The following CACNA1C variants were observed in gnomAD, a reference collection of about 807,000 sequenced individuals.
CACNA1C encodes the protein calcium voltage-gated channel subunit alpha1 C.
A neutral mutation model predicts 229.0 loss-of-function variants in CACNA1C; 30 were observed. That is an observed-to-expected ratio of 0.13 (90% CI 0.10 to 0.18). CACNA1C has a LOEUF of 0.18. Ranked by LOEUF, CACNA1C falls within the 10% of genes least tolerant of loss-of-function variation. The pLI is 1.00. For synonymous variants in CACNA1C, 1,114 were observed against 1,132.5 expected (o/e 0.98, Z 0.33); for missense variants, 1,658 against 2,845.0 (o/e 0.58, Z 9.49).
intron 11 of CACNA1C, among the ~76,000 whole-genome samples, chr12:2,559,018 G>A (rs905288323): frequency 2.0e-5 from 3 of 152,220 alleles, no homozygotes; most frequent in Admixed American, 6.5e-5. Flanking sequence ...GAAGTGGCTG[G>A]TACATAACAA....
chr12:2,600,184 G>C (rs997567600), intron 21 of CACNA1C, among the ~76,000 whole-genome samples: 1 of 152,162 alleles, frequency 6.6e-6, no homozygotes, highest in African/African-American at 2.4e-5. Context: ...AGCCTCCTGA[G>C]TCCAGTCTGT....
intron 1 of CACNA1C, among the ~76,000 whole-genome samples, chr12:2,095,451 C>T (rs1343123862): frequency 1.3e-5 from 2 of 152,250 alleles, no homozygotes; most frequent in African/African-American, 4.8e-5. Context: ...GTGCCATTGA[C>T]TTCTGCCTTC....
intron 1 of CACNA1C, among the ~76,000 whole-genome samples, chr12:2,047,548 C>A (rs2051293661): frequency 6.6e-6 from 1 of 152,202 alleles, no homozygotes; most frequent in Non-Finnish European, 1.5e-5. Flanking sequence ...ATCATAGCAC[C>A]TGATACTCAC....
chr12:2,142,356 G>A (rs2094318027), intron 3 of CACNA1C, among the ~76,000 whole-genome samples: 1 of 151,092 alleles, frequency 6.6e-6, no homozygotes, highest in African/African-American at 2.4e-5. Context: ...GTGGTGGTGT[G>A]GTGCTGTTGT....
In CACNA1C at chr12:2,666,856, T is replaced by A; in HGVS notation, c.4623+74T>A. The A allele has an allele frequency of 2.3e-6, 2 of 885,242 alleles. No homozygotes were observed. The highest frequency in any genetic ancestry group is 3.7e-6 in the Non-Finnish European group (2 of 545,714). The allele number at this position is 885,242 out of a possible 1,614,324, so 54.8% of individuals were successfully genotyped here. ...GAAGTGCCCATTTCTTGTGATCCTT[T>A]AAGGGAATGAACATACTAGTTTATG... On this transcript the variant is annotated intron_variant, in intron 37 of 46. Coordinates refer to ENST00000399655, the MANE Select transcript of CACNA1C (RefSeq NM_000719.7). The surrounding 1 kb of genome is among the most constrained non-coding windows in gnomAD (Gnocchi z 5.3).
At position 1,971,219 on chromosome 12, in the gene CACNA1C, G is replaced by A; in HGVS notation, c.139+18G>A. On this transcript the variant is annotated intron_variant, in intron 1 of 46. Transcript: ENST00000682462. The surrounding 1 kb of genome is among the most constrained non-coding windows in gnomAD (Gnocchi z 4.2). ...TCCTGGAGGTAAGAAACCCTAAAGT[G>A]AAATAAAGAGTAGGAAGAACATGTT... 1 of 1,262,968 alleles carries A rather than the reference G, an allele frequency of 7.9e-7. No homozygotes were observed. The highest frequency in any genetic ancestry group is 1.0e-6 in the Non-Finnish European group (1 of 965,640). 78.2% of individuals were successfully genotyped at this position (1,262,968 alleles called of 1,614,324 possible).
Position 2,693,849 on chromosome 12 carries a change from G to A in CACNA1C, c.*2650G>A, listed in dbSNP as rs985078519. 2 of 152,174 alleles carry A rather than the reference G, an allele frequency of 1.3e-5. No individual in the cohort carries two copies. Among genetic ancestry groups the A allele is most frequent in the African/African-American group, 4.8e-5 (2 of 41,422 alleles). The allele number at this position is 152,174 out of a possible 1,614,324, so 9.4% of individuals were successfully genotyped here. ...CTCTTCCAGTCCTAGTGTTCCCTGA[G>A]CCCCTCTTGGCACATATATAAGTAA... On this transcript the variant is annotated 3_prime_UTR_variant, in exon 47 of 47. Coordinates refer to ENST00000399655, the MANE Select transcript of CACNA1C (RefSeq NM_000719.7).
intron 3 of CACNA1C, among the ~76,000 whole-genome samples, chr12:2,318,712 G>A (rs1285852943): frequency 2.0e-5 from 3 of 152,152 alleles, no homozygotes; most frequent in Non-Finnish European, 2.9e-5. Context: ...TGTTGGGCAC[G>A]GACTAGGTAC....
chr12:2,418,740 G>A (rs2098942497), intron 3 of CACNA1C, among the ~76,000 whole-genome samples: 1 of 152,122 alleles, frequency 6.6e-6, no homozygotes, highest in Non-Finnish European at 1.5e-5. Flanking sequence ...GACACCCCTG[G>A]ACAACTGGCC....
intron 30 of CACNA1C, among the ~76,000 whole-genome samples, chr12:2,648,235 A>G (rs2094545513): frequency 6.6e-6 from 1 of 152,230 alleles, no homozygotes; most frequent in Admixed American, 6.5e-5. Context: ...TGAGTTATTT[A>G]AAGGGCATAG....
At chr12:2,124,836 C>T (rs1370979947) in intron 3 of CACNA1C, among the ~76,000 whole-genome samples, 1 of 152,084 alleles carries the variant, frequency 6.6e-6, no homozygotes, top group African/African-American at 2.4e-5. Flanking sequence ...GGGAATGATG[C>T]GTACGATTAG....
intron 5 of CACNA1C, among the ~76,000 whole-genome samples, chr12:2,480,253 A>G (rs752089829): frequency 3.9e-5 from 6 of 152,118 alleles, no homozygotes; most frequent in South Asian, 4.2e-4. Flanking sequence ...GCTACGTCGC[A>G]GTCTGGACCC....
chr12:2,339,171 C>G (rs1196768825), intron 3 of CACNA1C, among the ~76,000 whole-genome samples: 1 of 152,210 alleles, frequency 6.6e-6, no homozygotes, highest in Admixed American at 6.5e-5. Flanking sequence ...ATGGCGTAGC[C>G]CATCGTTCCT....
At position 2,448,982 on chromosome 12, in the gene CACNA1C, G is replaced by A. The variant is rs1243482248; in HGVS notation, c.484G>A (p.Val162Met). The A allele has an allele frequency of 5.0e-6, 8 of 1,607,946 alleles. No homozygotes were observed. Among genetic ancestry groups the A allele is most frequent in the Non-Finnish European group, 6.8e-6 (8 of 1,176,064 alleles). Residue 162 changes from valine to methionine, a missense_variant, in exon 4 of 47, where the codon GTG (valine) becomes ATG (methionine). Val to Met is a conservative substitution (Grantham distance 21, BLOSUM62 1). Transcript: ENST00000399655. ...TTCTATTTCTGTTTCCTAGGAACGA[G>A]TGGAATATCTCTTTCTCATAATTTT... ...SNATNSNLER[V>M]EYLFLIIFTV...
intron 1 of CACNA1C, among the ~76,000 whole-genome samples, chr12:1,984,524 A>T (rs1269612659): frequency 6.6e-6 from 1 of 151,904 alleles, no homozygotes; most frequent in Non-Finnish European, 1.5e-5. Flanking sequence ...CTCTCTTTTT[A>T]TGTTATAGTT....
chr12:2,593,378 G>T (rs1276829469), intron 19 of CACNA1C, 33 bp downstream of exon 19: 2 of 1,611,046 alleles, frequency 1.2e-6, no homozygotes, highest in Non-Finnish European at 1.7e-6. Flanking sequence ...GTGGGGTCCT[G>T]CTCTCTCTAG....
chr12:2,494,626 C>G (rs967810865), intron 7 of CACNA1C, among the ~76,000 whole-genome samples: 1 of 152,194 alleles, frequency 6.6e-6, no homozygotes, highest in African/African-American at 2.4e-5. Flanking sequence ...GCTGCCAGAT[C>G]AAAAGGAAAT....
Position 2,430,992 on chromosome 12 carries a change from G to A in CACNA1C, c.478-17984G>A, listed in dbSNP as rs568991613. The stretch of plus-strand genomic sequence containing the variant: ...GCAAAGCTTCTGTCTCTCCTCACCC[G>A]CTCTGCACTTCCTGCCCTGCAGGCA... On this transcript the variant is annotated intron_variant, in intron 3 of 46. Transcript: ENST00000399655. 3.3e-5 allele frequency among the ~76,000 whole-genome samples: 5 copies of A among 152,262 alleles called. No individual in the cohort carries two copies. The East Asian group carries it at 5.8e-4, about 18-fold the overall frequency.
intron 3 of CACNA1C, among the ~76,000 whole-genome samples, chr12:2,388,180 T>C (rs916972547): frequency 6.6e-6 from 1 of 152,200 alleles, no homozygotes; most frequent in Non-Finnish European, 1.5e-5. Context: ...AGAGTTTCTG[T>C]TGTAAAATGA....
Sources: gnomAD v4.1 joint callset for allele counts (sites outside exome capture counted in the v4.1 genomes callset) on GRCh38, gnomAD v4.1.1 for gene constraint, Gnocchi (gnomAD v3.1) non-coding constraint, MANE v1.5 for transcripts, NCBI Gene and HGNC (gene_info 2026-07-23, HGNC 2026-07-21) for gene names.